The following ALAS1 variants were observed in gnomAD, a reference collection of about 807,000 sequenced individuals.
The protein encoded by ALAS1 is 5-aminolevulinate synthase, non-specific, mitochondrial.
ALAS1 carries 29 observed loss-of-function variants against 59.6 expected under a neutral mutation model. The ratio of observed to expected loss-of-function variants is 0.49; its 90% CI spans 0.36 to 0.66. ALAS1 has a LOEUF of 0.66. Ranked by LOEUF, ALAS1 falls within the 30% of genes least tolerant of loss-of-function variation. ALAS1 has a pLI of 0.00. For missense variants in ALAS1, 690 were observed against 807.5 expected (o/e 0.85, Z 1.76); for synonymous variants, 299 against 296.6 (o/e 1.01, Z -0.08).
chr3:52,199,902 A>G (rs1339935838), intron 3 of ALAS1, among the ~76,000 whole-genome samples: 1 of 151,858 alleles, frequency 6.6e-6, no homozygotes, highest in African/African-American at 2.4e-5. Flanking sequence ...GCTTACTGCA[A>G]CCTCCACCTC....
intron 6 of ALAS1, among the ~76,000 whole-genome samples, chr3:52,205,167 T>C (rs1334914161): frequency 1.3e-5 from 2 of 152,214 alleles, no homozygotes; most frequent in Admixed American, 1.3e-4. Flanking sequence ...GTCAGTCCAC[T>C]TTCTATCACT....
chr3:52,199,673 T>C (rs1220293484), intron 3 of ALAS1, among the ~76,000 whole-genome samples: 2 of 152,226 alleles, frequency 1.3e-5, no homozygotes, highest in Non-Finnish European at 2.9e-5. Flanking sequence ...TACAGGTTTT[T>C]GGATTGCACG....
chr3:52,206,808 T>C lies in ALAS1; in HGVS notation c.1165+57T>C. Reference sequence around the variant, plus strand: ...AAGATGAAAAACTATGCCTGAACTCTTTAAAAGTATGGTGTTTTGTTGTGT... The same window carrying C: ...AAGATGAAAAACTATGCCTGAACTCCTTAAAAGTATGGTGTTTTGTTGTGT... On this transcript the variant is annotated intron_variant, in intron 8 of 11. Transcript: ENST00000484952. The C allele has an allele frequency of 1.9e-6, 3 of 1,540,052 alleles. No individual in the cohort carries two copies. The Admixed American group carries it at 6.0e-5, about 31-fold the overall frequency.
chr3:52,214,268 A>G lies in ALAS1; in HGVS notation c.*88A>G. On this transcript the variant is annotated 3_prime_UTR_variant, in exon 12 of 12. Coordinates refer to ENST00000484952, the MANE Select transcript of ALAS1 (RefSeq NM_000688.6). The stretch of plus-strand genomic sequence containing the variant: ...TGTCTTTATATGTGAATTAAGTTAT[A>G]TTAAATTTTAATCTATAGTAAAAAC... The G allele has an allele frequency of 8.1e-7, 1 of 1,238,020 alleles. No individual in the cohort carries two copies. The highest frequency in any genetic ancestry group is 2.4e-5 in the Admixed American group (1 of 41,730). 76.7% of individuals were successfully genotyped at this position (1,238,020 alleles called of 1,614,324 possible). A position where few individuals can be genotyped will look rare whatever the true frequency, so the allele number is the denominator to read the frequency against.
At chr3:52,213,907 A>G (rs967252271) in intron 11 of ALAS1, 113 bp from the exon 12 acceptor site, 1 of 967,718 alleles carries the variant, frequency 1.0e-6, no homozygotes, top group Non-Finnish European at 1.5e-6. Context: ...CTTGTTAACT[A>G]TTATGAATAA....
chr3:52,208,963 A>G (rs997239198), intron 9 of ALAS1, among the ~76,000 whole-genome samples: 1 of 152,266 alleles, frequency 6.6e-6, no homozygotes, highest in Non-Finnish European at 1.5e-5. Flanking sequence ...GTAATTTTGA[A>G]GAATTTTTTT....
rs746496864 is a variant in ALAS1, at chr3:52,212,242, C to G, written c.1600-16C>G. The G allele has an allele frequency of 1.2e-6, 2 of 1,610,442 alleles. No individual in the cohort carries two copies. Among genetic ancestry groups the G allele is most frequent in the Non-Finnish European group, 1.7e-6 (2 of 1,177,908 alleles). ...CTTCCTGTTGTGACCTTACCTTCTG[C>G]TCTCATTGAACTTAGGTTGCAGATG... On this transcript the variant is annotated splice_polypyrimidine_tract_variant and intron_variant, in intron 10 of 11. Coordinates refer to ENST00000484952, the MANE Select transcript of ALAS1 (RefSeq NM_000688.6).
intron 11 of ALAS1, among the ~76,000 whole-genome samples, chr3:52,212,820 G>A (rs1186861169): frequency 6.6e-6 from 1 of 152,144 alleles, no homozygotes; most frequent in African/African-American, 2.4e-5. Context: ...TGTGAGCCCT[G>A]GTGCCCGGCC....
Position 52,206,001 on chromosome 3 carries a change from C to T in ALAS1, c.963C>T (p.Phe321=). The T allele has an allele frequency of 4.3e-6, 7 of 1,611,836 alleles. No homozygotes were observed. The highest frequency in any genetic ancestry group is 5.9e-6 in the Non-Finnish European group (7 of 1,178,734). Residue 321 remains phenylalanine (F), a synonymous_variant, in exon 7 of 12, where the codon TTC becomes TTT. Coordinates refer to ENST00000484952, the MANE Select transcript of ALAS1 (RefSeq NM_000688.6). ...TTGTGGCCAATGACTCAACCCTCTT[C>T]ACCCTGGCTAAGATGATGCCAGGTA... ...SCFVANDSTL[F]TLAKMMPGCE...
chr3:52,202,739 GA>G lies in ALAS1; in HGVS notation c.427+6del. The G allele has an allele frequency of 2.5e-6, 4 of 1,613,108 alleles. No homozygotes were observed. Among genetic ancestry groups the G allele is most frequent in the Non-Finnish European group, 3.4e-6 (4 of 1,179,422 alleles). ...AAATGAATGCCGTGAGGAAAGGTAA[GA>G]GATGAGTTGTGAACCATTAGTGGTA... On this transcript the variant is annotated splice_donor_region_variant and intron_variant, in intron 4 of 11. Coordinates refer to ENST00000484952, the MANE Select transcript of ALAS1 (RefSeq NM_000688.6).
At chr3:52,208,311 A>C (rs544100623) in intron 9 of ALAS1, 64 bp downstream of exon 9, 1 of 1,573,384 alleles carries the variant, frequency 6.4e-7, no homozygotes, top group Admixed American at 1.7e-5. Context: ...AGGACTAACT[A>C]GTCTAACTGG....
chr3:52,199,195 G>A lies in ALAS1; in HGVS notation c.-32-15G>A. On this transcript the variant is annotated splice_polypyrimidine_tract_variant and intron_variant, in intron 2 of 11. Coordinates refer to ENST00000484952, the MANE Select transcript of ALAS1 (RefSeq NM_000688.6). Reference sequence around the variant, plus strand: ...TGCCTGATTATTAACAACTGTTGATGTCACTCTTCATCAGTCTTTCCACAG... The same window carrying A: ...TGCCTGATTATTAACAACTGTTGATATCACTCTTCATCAGTCTTTCCACAG... 1.9e-6 allele frequency: 3 copies of A among 1,612,544 alleles called. No homozygotes were observed. Among genetic ancestry groups the A allele is most frequent in the Non-Finnish European group, 2.5e-6 (3 of 1,178,710 alleles).
intron 1 of ALAS1, 141 bp from the exon 2 acceptor site, chr3:52,198,531 C>T (rs571888687): frequency 1.5e-5 from 8 of 547,340 alleles, no homozygotes; most frequent in African/African-American, 7.6e-5. Flanking sequence ...CCGCGGGTCA[C>T]CTCTGACCCC....
At position 52,212,334 on chromosome 3, in the gene ALAS1, A is replaced by G. The variant is rs184602790; in HGVS notation, c.1676A>G (p.Asn559Ser). ...SRHNIYVQAI[N>S]YPTVPRGEEL... ...CATAACATCTACGTGCAAGCAATCAATTACCCTACGGTGCCCCGGGGAGAA... is the reference window on the plus strand; with the variant it reads ...CATAACATCTACGTGCAAGCAATCAGTTACCCTACGGTGCCCCGGGGAGAA... Residue 559 changes from asparagine to serine, a missense_variant, in exon 11 of 12, where the codon AAT (asparagine) becomes AGT (serine). Asn to Ser is a conservative substitution (Grantham distance 46, BLOSUM62 1). Coordinates refer to ENST00000484952, the MANE Select transcript of ALAS1 (RefSeq NM_000688.6). The G allele has an allele frequency of 5.0e-6, 8 of 1,614,156 alleles. No individual in the cohort carries two copies. In the Admixed American group the frequency reaches 1.0e-4, roughly 20 times the overall value.
In ALAS1 at chr3:52,204,716, C is replaced by T. The variant is rs761283191; in HGVS notation, c.601C>T (p.Arg201Cys). 11 of 1,613,904 alleles carry T rather than the reference C, an allele frequency of 6.8e-6. No individual in the cohort carries two copies. The highest frequency in any genetic ancestry group is 3.3e-5 in the South Asian group (3 of 91,046). ...PKSVSTFQYD[R>C]FFEKKIDEKK... ...AGCTGTTTCCACTTTTCAGTATGAT[C>T]GTTTCTTTGAGAAAAAAATTGATGA... Residue 201 changes from arginine (R) to cysteine (C), a missense_variant, in exon 6 of 12, where the codon CGT (arginine) becomes TGT (cysteine). Physicochemically the swap from Arg to Cys is radical, Grantham distance 180. Coordinates refer to ENST00000484952, the MANE Select transcript of ALAS1 (RefSeq NM_000688.6).
chr3:52,206,384 A>G (rs77854482), intron 7 of ALAS1, among the ~76,000 whole-genome samples, 188 bp from the exon 8 acceptor site: 1,756 of 152,284 alleles, frequency 0.012, 37 homozygotes, highest in African/African-American at 0.04. Context: ...AGGTTATTCT[A>G]CACCTTTGGG....
Position 52,202,509 on chromosome 3 carries a change from G to T in ALAS1, c.202G>T (p.Asp68Tyr), listed in dbSNP as rs1699207432. 4.4e-6 allele frequency: 7 copies of T among 1,608,892 alleles called. No individual in the cohort carries two copies. Among genetic ancestry groups the T allele is most frequent in the Non-Finnish European group, 5.1e-6 (6 of 1,175,560 alleles). The part of the protein sequence containing the change: ...IKETPPASEK[D>Y]KTAKAKVQQT... Reference sequence around the variant, plus strand: ...ACTTTTTCCATTTCCTCCCTCAGAAGACAAAACTGCTAAGGCCAAGGTCCA... The same window carrying T: ...ACTTTTTCCATTTCCTCCCTCAGAATACAAAACTGCTAAGGCCAAGGTCCA... The change falls in exon 4 of 12, where the codon GAC becomes TAC. Residue 68 changes from aspartate (D) to tyrosine (Y), a missense_variant and splice_region_variant. By Grantham distance (160) the Asp-to-Tyr change is radical. Transcript: ENST00000484952.
intron 2 of ALAS1, 77 bp from the exon 3 acceptor site, chr3:52,199,133 G>T: frequency 7.0e-7 from 1 of 1,420,352 alleles, no homozygotes; most frequent in Non-Finnish European, 9.8e-7. Flanking sequence ...TATAAACTGC[G>T]GTTGACACCT....
At chr3:52,204,624 T>C in intron 5 of ALAS1, 69 bp from the exon 6 acceptor site, 1 of 1,338,530 alleles carries the variant, frequency 7.5e-7, no homozygotes, top group Admixed American at 1.9e-5. Flanking sequence ...CTGAGACTTG[T>C]TGTATTTCAC....
Sources: allele counts gnomAD v4.1 joint callset (sites outside exome capture counted in the v4.1 genomes callset), GRCh38; gene constraint gnomAD v4.1.1; transcripts MANE v1.5; gene names NCBI Gene and HGNC (gene_info 2026-07-23, HGNC 2026-07-21).